COL17A1: variants seen among roughly 807,000 people sequenced by gnomAD.
The protein encoded by COL17A1 is collagen alpha-1(XVII) chain.
A neutral mutation model predicts 218.4 loss-of-function variants in COL17A1; 181 were observed. The ratio of observed to expected loss-of-function variants is 0.83; its 90% CI spans 0.73 to 0.94. The LOEUF is 0.94. Ranked by LOEUF, COL17A1 falls within the 40% of genes least tolerant of loss-of-function variation. COL17A1 has a pLI of 0.00. For missense variants in COL17A1, 1,924 were observed against 1,945.9 expected, an observed-to-expected ratio of 0.99 and a Z score of 0.21; for synonymous variants, 721 against 731.0, an observed-to-expected ratio of 0.99 and a Z score of 0.22.
At chr10:104,070,692 G>T in intron 8 of COL17A1, 123 bp from the exon 9 acceptor site, 1 of 1,597,238 alleles carries the variant, frequency 6.3e-7, no homozygotes, top group South Asian at 1.1e-5. Context: ...CTCACACATT[G>T]GAACTTTTTG....
intron 1 of COL17A1, 43 bp from the exon 2 acceptor site, chr10:104,080,727 G>A: frequency 1.2e-6 from 2 of 1,603,256 alleles, no homozygotes; most frequent in Non-Finnish European, 1.7e-6. Context: ...ACTTATCATT[G>A]TTTTTAGTAA....
intron 2 of COL17A1, among the ~76,000 whole-genome samples, chr10:104,080,058 A>G (rs1467026738): frequency 6.6e-6 from 1 of 152,202 alleles, no homozygotes. Context: ...ATAAAAGTGA[A>G]TTATTTCCTA....
chr10:104,052,144 A>G lies in COL17A1; in HGVS notation c.2002+11T>C. 6.2e-7 allele frequency: 1 copy of G among 1,614,058 alleles called. No individual in the cohort carries two copies. On this transcript the variant is annotated intron_variant, in intron 24 of 55. Transcript: ENST00000648076. ...GGAAAACTTTGATTCCTTCCTGCACACTGGACTTACCTTTGGGACCCACAG... is the reference window on the plus strand; with the variant it reads ...GGAAAACTTTGATTCCTTCCTGCACGCTGGACTTACCTTTGGGACCCACAG...
Position 104,038,454 on chromosome 10 carries a change from T to A in COL17A1, c.3022A>T (p.Ser1008Cys). The change falls in exon 45 of 56, where the codon AGC (serine) becomes TGC (cysteine). Residue 1008 changes from serine to cysteine, a missense_variant. Physicochemically the swap from Ser to Cys is moderately radical, Grantham distance 112. Coordinates refer to ENST00000648076, the MANE Select transcript of COL17A1 (RefSeq NM_000494.4). ...TGCTGAATCTCCTGGCCAGAGCTGC[T>A]GATAGAGCCCGGAGGCCCAGGGGGC... ...PGPPGPPGSI[S>C]SSGQEIQQYI... 6.2e-7 allele frequency: 1 copy of A among 1,613,944 alleles called. No homozygotes were observed. Among genetic ancestry groups the A allele is most frequent in the Non-Finnish European group, 8.5e-7 (1 of 1,179,998 alleles).
At chr10:104,059,858 G>A in intron 14 of COL17A1, 140 bp from the exon 15 acceptor site, 1 of 1,049,636 alleles carries the variant, frequency 9.5e-7, no homozygotes, top group Non-Finnish European at 1.4e-6. Context: ...CTTTCCTGGG[G>A]TTCATCTCCC....
At chr10:104,048,180 G>T in intron 29 of COL17A1, 76 bp from the exon 30 acceptor site, 1 of 1,518,288 alleles carries the variant, frequency 6.6e-7, no homozygotes, top group Non-Finnish European at 9.2e-7. Context: ...TGTCCCAGTG[G>T]CCTTGAAGCA....
At chr10:104,059,386 C>T (rs766493311) in intron 15 of COL17A1, 24 of 557,414 alleles carry the variant, frequency 4.3e-5, no homozygotes, top group Admixed American at 9.2e-5. Flanking sequence ...CAAATGCCTT[C>T]GTAGACATGG....
intron 15 of COL17A1, among the ~76,000 whole-genome samples, chr10:104,058,494 A>G (rs957410826): frequency 2.0e-5 from 3 of 152,190 alleles, no homozygotes; most frequent in Non-Finnish European, 2.9e-5. Flanking sequence ...TTGCATTCAA[A>G]CAATAAGTGT....
chr10:104,041,368 G>A, intron 37 of COL17A1, 24 bp from the exon 38 acceptor site: 2 of 1,608,638 alleles, frequency 1.2e-6, no homozygotes, highest in Non-Finnish European at 8.5e-7. Flanking sequence ...CAAGGAAGAG[G>A]CCATGCTGAG....
At chr10:104,072,804 G>A (rs1589576381) in intron 7 of COL17A1, among the ~76,000 whole-genome samples, 1 of 152,106 alleles carries the variant, frequency 6.6e-6, no homozygotes, top group Non-Finnish European at 1.5e-5. Flanking sequence ...TTTATCTCCT[G>A]GATGAATTTT....
intron 3 of COL17A1, 96 bp from the exon 4 acceptor site, chr10:104,077,622 C>T: frequency 2.1e-6 from 2 of 952,980 alleles, no homozygotes. Context: ...TGGTTTTTCA[C>T]CAGGACCTTC....
At position 104,050,925 on chromosome 10, in the gene COL17A1, A is replaced by G. The variant is rs111304711; in HGVS notation, c.2039-24T>C. On this transcript the variant is annotated intron_variant, in intron 25 of 55. Coordinates refer to ENST00000648076, the MANE Select transcript of COL17A1 (RefSeq NM_000494.4). ...ACCTGCCCGGCAGAAGAAACCATGCACACAGATGAGTATCCCTAGCTTTGG... is the reference window on the plus strand; with the variant it reads ...ACCTGCCCGGCAGAAGAAACCATGCGCACAGATGAGTATCCCTAGCTTTGG... The G allele has an allele frequency of 1.1e-3, 1,805 of 1,614,100 alleles. 6 individuals are homozygous for G. Among genetic ancestry groups the G allele is most frequent in the African/African-American group, 8.6e-3 (643 of 75,014 alleles).
In COL17A1 at chr10:104,032,712, G is replaced by A. The variant is rs373063037; in HGVS notation, c.4400C>T (p.Pro1467Leu). 3.1e-6 allele frequency: 5 copies of A among 1,614,158 alleles called. No individual in the cohort carries two copies. Among genetic ancestry groups the A allele is most frequent in the East Asian group, 2.2e-5 (1 of 44,882 alleles). The stretch of plus-strand genomic sequence containing the variant: ...TTCTCCCTTGTGTCCTCGAGGGCCA[G>A]GTGGCCCAGGATGACCTGGTGGCCC... Reference protein sequence around the residue: ...PAGPPGHPGPPGPRGHKGEKG... With the variant: ...PAGPPGHPGPLGPRGHKGEKG... The change falls in exon 55 of 56, where the codon CCT becomes CTT. Residue 1467 changes from proline (P) to leucine (L), a missense_variant. Physicochemically the swap from Pro to Leu is moderately conservative, Grantham distance 98. Transcript: ENST00000648076.
intron 49 of COL17A1, 38 bp downstream of exon 49, chr10:104,035,436 C>T (rs1299536168): frequency 3.1e-6 from 5 of 1,613,366 alleles, no homozygotes; most frequent in African/African-American, 1.3e-5. Context: ...CTGCTTCCTC[C>T]CCAACCAGTT....
At chr10:104,043,688 G>A (rs1185320236) in intron 34 of COL17A1, 107 bp from the exon 35 acceptor site, 11 of 1,502,596 alleles carry the variant, frequency 7.3e-6, no homozygotes, top group East Asian at 2.3e-5. Flanking sequence ...TCTTCTCATC[G>A]CTGCTAAATT....
intron 3 of COL17A1, 31 bp from the exon 4 acceptor site, chr10:104,077,557 A>T: frequency 6.3e-7 from 1 of 1,575,386 alleles, no homozygotes; most frequent in Non-Finnish European, 8.7e-7. Flanking sequence ...TGATAATTTC[A>T]GGGTGGAGTC....
chr10:104,063,582 G>T, intron 11 of COL17A1, 165 bp downstream of exon 11: 2 of 1,090,544 alleles, frequency 1.8e-6, no homozygotes, highest in Non-Finnish European at 1.4e-6. Context: ...TTTCCCTTGG[G>T]GTCTGAGTTC....
Position 104,055,448 on chromosome 10 carries a change from A to T in COL17A1, c.1688-47T>A, listed in dbSNP as rs754645009. On this transcript the variant is annotated intron_variant, in intron 18 of 55. Coordinates refer to ENST00000648076, the MANE Select transcript of COL17A1 (RefSeq NM_000494.4). ...GAGTCAGCTTCACATCTCCTGTCACACACACACACACACACACACACACAC... is the reference window on the plus strand; with the variant it reads ...GAGTCAGCTTCACATCTCCTGTCACTCACACACACACACACACACACACAC... 2.7e-4 allele frequency: 361 copies of T among 1,337,258 alleles called. 5 individuals are homozygous for T. The highest frequency in any genetic ancestry group is 2.2e-3 in the African/African-American group (112 of 50,112). The allele number at this position is 1,337,258 out of a possible 1,614,324, so 82.8% of individuals were successfully genotyped here. A position where few individuals can be genotyped will look rare whatever the true frequency, so the allele number is the denominator to read the frequency against.
At chr10:104,040,994 C>T in intron 39 of COL17A1, 71 bp downstream of exon 39, 1 of 1,552,204 alleles carries the variant, frequency 6.4e-7, no homozygotes, top group Non-Finnish European at 8.9e-7. Context: ...GACCACAAGG[C>T]TACGGCCACA....
Sources: allele counts gnomAD v4.1 joint callset (sites outside exome capture counted in the v4.1 genomes callset), GRCh38; gene constraint gnomAD v4.1.1; transcripts MANE v1.5; gene names NCBI Gene and HGNC (gene_info 2026-07-23, HGNC 2026-07-21).